Variants in PCDH7 observed in about 807,000 individuals in gnomAD.
PCDH7 encodes the protein protocadherin-7.
Under a neutral mutation model 58.9 loss-of-function variants are expected in PCDH7, and 17 were observed. The ratio of observed to expected loss-of-function variants is 0.29; its 90% CI spans 0.20 to 0.43. PCDH7 has a LOEUF of 0.43. PCDH7 is among the 20% of genes least tolerant of loss of function. The pLI, the probability that PCDH7 is intolerant of heterozygous loss-of-function variation, is 1.00. For missense variants in PCDH7, 1,274 were observed against 1,441.0 expected, an observed-to-expected ratio of 0.88 and a Z score of 1.88; for synonymous variants, 664 against 616.4, an observed-to-expected ratio of 1.08 and a Z score of -1.14.
At chr4:30,934,313 C>A (rs1745059716) in intron 2 of PCDH7, among the ~76,000 whole-genome samples, 1 of 152,122 alleles carries the variant, frequency 6.6e-6, no homozygotes, top group South Asian at 2.1e-4. Flanking sequence ...TTAGAGATCC[C>A]TGTGTGTGTG....
intron 3 of PCDH7, among the ~76,000 whole-genome samples, chr4:30,961,896 G>C (rs191699716): frequency 3.9e-5 from 6 of 152,172 alleles, no homozygotes; most frequent in African/African-American, 1.2e-4. Context: ...ATGCCCATAG[G>C]GTGGTATTTG....
chr4:31,085,281 T>A (rs531501209), intron 3 of PCDH7, among the ~76,000 whole-genome samples: 1 of 152,112 alleles, frequency 6.6e-6, no homozygotes, highest in African/African-American at 2.4e-5. Context: ...AGCTGGTCCA[T>A]CAAGTTGCAG....
intron 1 of PCDH7, among the ~76,000 whole-genome samples, chr4:30,879,827 A>G (rs900016882): frequency 5.3e-5 from 8 of 152,264 alleles, no homozygotes; most frequent in Non-Finnish European, 7.4e-5. Flanking sequence ...TTTTCTCTTT[A>G]AAGATTAAAT....
chr4:30,912,739 T>C (rs1287495435), intron 1 of PCDH7, among the ~76,000 whole-genome samples: 1 of 152,182 alleles, frequency 6.6e-6, no homozygotes, highest in Non-Finnish European at 1.5e-5. Context: ...TAGGGTCCTA[T>C]CCTTTTGCCA....
chr4:30,826,505 G>A (rs1171029989), intron 1 of PCDH7, among the ~76,000 whole-genome samples: 1 of 151,956 alleles, frequency 6.6e-6, no homozygotes, highest in Non-Finnish European at 1.5e-5. Flanking sequence ...TTCCCAGCAT[G>A]CTCCACTTCG....
chr4:30,921,516 G>A (rs780990569), intron 2 of PCDH7, among the ~76,000 whole-genome samples: 1 of 151,938 alleles, frequency 6.6e-6, no homozygotes. Context: ...CCAAATGAAA[G>A]TATTGCTAAA....
intron 1 of PCDH7, among the ~76,000 whole-genome samples, chr4:30,891,292 CAAATGA>C (rs1286119374): frequency 6.6e-6 from 1 of 152,088 alleles, no homozygotes; most frequent in Non-Finnish European, 1.5e-5. Flanking sequence ...AATCACTAAG[CAAATGA>C]GAGTAAGAGC....
intron 1 of PCDH7, chr4:30,724,868 T>A (rs893495490): frequency 4.9e-5 from 61 of 1,242,722 alleles, no homozygotes; most frequent in East Asian, 6.8e-5. Flanking sequence ...GCACTTGACA[T>A]CCCTAATTCA....
chr4:30,852,819 T>C (rs1732932774), intron 1 of PCDH7, among the ~76,000 whole-genome samples: 1 of 110,550 alleles, frequency 9.0e-6, no homozygotes, highest in Non-Finnish European at 1.7e-5. Flanking sequence ...CTCAGGTCTA[T>C]CAAGCACAGG....
intron 1 of PCDH7, among the ~76,000 whole-genome samples, chr4:30,906,626 G>T (rs1740966339): frequency 6.6e-6 from 1 of 152,166 alleles, no homozygotes; most frequent in Admixed American, 6.5e-5. Flanking sequence ...GAAACAATGA[G>T]ATATATTTGG....
chr4:31,112,712 A>G (rs1716480099), intron 3 of PCDH7, among the ~76,000 whole-genome samples: 2 of 152,170 alleles, frequency 1.3e-5, no homozygotes, highest in Non-Finnish European at 2.9e-5. Flanking sequence ...CTGGAATAGA[A>G]TTACAATGCA....
chr4:30,981,291 C>T (rs373746935), intron 3 of PCDH7, among the ~76,000 whole-genome samples: 13 of 152,190 alleles, frequency 8.5e-5, no homozygotes, highest in East Asian at 1.9e-4. Flanking sequence ...GTGATCTATG[C>T]GTGAGGCATT....
chr4:30,840,751 A>AGACC (rs1731105466), intron 1 of PCDH7, among the ~76,000 whole-genome samples: 1 of 152,178 alleles, frequency 6.6e-6, no homozygotes, highest in South Asian at 2.1e-4. Flanking sequence ...CAAAGTCATT[A>AGACC]CAAAAGCCTC....
intron 1 of PCDH7, among the ~76,000 whole-genome samples, chr4:30,870,013 T>G (rs1036922208): frequency 1.3e-5 from 2 of 152,174 alleles, no homozygotes; most frequent in Admixed American, 6.5e-5. Flanking sequence ...GTGGTTTTGA[T>G]TTGCATTTCT....
At chr4:30,960,853 T>C (rs1748342506) in intron 3 of PCDH7, among the ~76,000 whole-genome samples, 1 of 152,158 alleles carries the variant, frequency 6.6e-6, no homozygotes, top group African/African-American at 2.4e-5. Flanking sequence ...ATAAATCTAC[T>C]GAGTTGAGGA....
intron 1 of PCDH7, among the ~76,000 whole-genome samples, chr4:30,878,344 C>T (rs994931562): frequency 3.3e-5 from 5 of 152,012 alleles, no homozygotes; most frequent in Admixed American, 6.6e-5. Context: ...CATGCTATTG[C>T]CCAGAAATTA....
At chr4:30,740,173 C>T (rs1365914081) in intron 1 of PCDH7, among the ~76,000 whole-genome samples, 1 of 151,808 alleles carries the variant, frequency 6.6e-6, no homozygotes, top group Non-Finnish European at 1.5e-5. Flanking sequence ...CTCTCTCTGC[C>T]ACTGTGCATA....
chr4:30,869,716 C>T (rs1193882844), intron 1 of PCDH7, among the ~76,000 whole-genome samples: 8 of 152,140 alleles, frequency 5.3e-5, no homozygotes, highest in Non-Finnish European at 1.0e-4. Context: ...CAAGTCTTTG[C>T]TATTGGGAAC....
At chr4:30,889,040 G>C (rs1394523540) in intron 1 of PCDH7, among the ~76,000 whole-genome samples, 2 of 150,926 alleles carry the variant, frequency 1.3e-5, no homozygotes, top group African/African-American at 4.9e-5. Context: ...ACTTATCCAG[G>C]CTTGGCGGTG....
Sources: allele counts gnomAD v4.1 joint callset (sites outside exome capture counted in the v4.1 genomes callset), GRCh38; gene constraint gnomAD v4.1.1; transcripts MANE v1.5; gene names NCBI Gene and HGNC (gene_info 2026-07-23, HGNC 2026-07-21).